SMAP2: variants seen among roughly 807,000 people sequenced by gnomAD.
SMAP2 encodes stromal membrane-associated protein 2.
SMAP2 carries 25 observed loss-of-function variants against 56.4 expected under a neutral mutation model. The ratio of observed to expected loss-of-function variants is 0.44; its 90% CI spans 0.32 to 0.62. The LOEUF (loss-of-function observed/expected upper bound fraction) is 0.62, where lower values mean the gene tolerates loss of function less well. Among genes scored for constraint, SMAP2 ranks in the 20% least tolerant of loss-of-function variants. The pLI is 0.04. For missense variants in SMAP2, 388 were observed against 545.6 expected (o/e 0.71, Z 2.88); for synonymous variants, 157 against 181.7 (o/e 0.86, Z 1.09).
In SMAP2 at chr1:40,403,581, A is replaced by G. The variant is rs535284170; in HGVS notation, c.104-3155A>G. On this transcript the variant is annotated intron_variant, in intron 1 of 9. Transcript: ENST00000372718. ...ATATATTACATATATGAATGAGTTA[A>G]CTGGCCCTTATCAGGAAGATGGATG... The G allele has an allele frequency of 1.0e-3, 866 of 826,308 alleles. 2 individuals are homozygous for G. The highest frequency in any genetic ancestry group is 1.2e-3 in the Non-Finnish European group (819 of 684,942). 51.2% of individuals were successfully genotyped at this position (826,308 alleles called of 1,614,324 possible). A position where few individuals can be genotyped will look rare whatever the true frequency, so the allele number is the denominator to read the frequency against.
rs914880120 is a variant in SMAP2 at position 40,404,424 on chromosome 1, C to G, written c.104-2312C>G. On this transcript the variant is annotated intron_variant, in intron 1 of 9. Coordinates refer to ENST00000372718, the MANE Select transcript of SMAP2 (RefSeq NM_022733.3). ...GGCCTTGTCAGTGGCTTCAGAGTCA[C>G]CCCAAGGCTCCAAGTCTTAGCCTTG... 2.0e-5 allele frequency among the ~76,000 whole-genome samples: 3 copies of G among 152,146 alleles called. No individual in the cohort carries two copies. The East Asian group carries it at 5.8e-4, about 29-fold the overall frequency.
intron 3 of SMAP2, among the ~76,000 whole-genome samples, chr1:40,409,234 A>T (rs1161099408): frequency 6.6e-6 from 1 of 152,178 alleles, no homozygotes; most frequent in Non-Finnish European, 1.5e-5. Flanking sequence ...AAATCCCTTA[A>T]AGGCAGTGCT....
chr1:40,375,145 C>T (rs1644529866), intron 1 of SMAP2: 3 of 930,342 alleles, frequency 3.2e-6, no homozygotes, highest in Non-Finnish European at 3.8e-6. Context: ...GAAATGTTGG[C>T]ACTTGACATT....
At chr1:40,383,145 A>G (rs1644615086) in intron 1 of SMAP2, among the ~76,000 whole-genome samples, 1 of 152,214 alleles carries the variant, frequency 6.6e-6, no homozygotes, top group Non-Finnish European at 1.5e-5. Context: ...TGAGGCACCC[A>G]TTCGATTAGC....
chr1:40,383,174 T>A (rs1417429163), intron 1 of SMAP2, among the ~76,000 whole-genome samples: 1 of 152,174 alleles, frequency 6.6e-6, no homozygotes, highest in African/African-American at 2.4e-5. Context: ...GGAACTACTA[T>A]GCCTGCAAGG....
At position 40,373,985 on chromosome 1, in the gene SMAP2, G is replaced by T; in HGVS notation, c.-136G>T. On this transcript the variant is annotated 5_prime_UTR_variant, in exon 1 of 10. Transcript: ENST00000372718. ...CGACCCGGGAAGGGGCGTCCGGCGG[G>T]GCCGGAGGAGAGGGCTCTCCCCGCT... 3.1e-6 allele frequency: 2 copies of T among 638,796 alleles called. No individual in the cohort carries two copies. Among genetic ancestry groups the T allele is most frequent in the Non-Finnish European group, 2.8e-6 (1 of 363,156 alleles). 39.6% of individuals were successfully genotyped at this position (638,796 alleles called of 1,614,324 possible).
rs1319526473 is a variant in SMAP2, at chr1:40,373,844, G to GCCC, written c.-275_-274insCCC. 6.4e-6 allele frequency: 2 copies of GCCC among 311,188 alleles called. No homozygotes were observed. Among genetic ancestry groups the GCCC allele is most frequent in the Non-Finnish European group, 1.2e-5 (2 of 166,356 alleles). 19.3% of individuals were successfully genotyped at this position (311,188 alleles called of 1,614,324 possible). Reference sequence around the variant, plus strand: ...CCGGCACCCAGGAGGCTCGTGGTCCGCCTTTGCCTGGGCTGAGGGTCTCTG... The same window carrying GCCC: ...CCGGCACCCAGGAGGCTCGTGGTCCGCCCCCTTTGCCTGGGCTGAGGGTCTCTG... On this transcript the variant is annotated 5_prime_UTR_variant, in exon 1 of 10. Coordinates refer to ENST00000372718, the MANE Select transcript of SMAP2 (RefSeq NM_022733.3).
At chr1:40,382,706 C>T (rs1644610446) in intron 1 of SMAP2, among the ~76,000 whole-genome samples, 1 of 152,166 alleles carries the variant, frequency 6.6e-6, no homozygotes, top group South Asian at 2.1e-4. Context: ...AAGCAACAGT[C>T]CTATATTGGC....
intron 2 of SMAP2, among the ~76,000 whole-genome samples, chr1:40,366,311 A>T (rs779800971): frequency 0.025 from 3,654 of 147,100 alleles, 88 homozygotes; most frequent in Non-Finnish European, 0.039. Flanking sequence ...TCCCCAATTT[A>T]GCAAGGCAGG....
intron 1 of SMAP2, among the ~76,000 whole-genome samples, chr1:40,404,055 G>C (rs927758057): frequency 6.6e-6 from 1 of 152,198 alleles, no homozygotes; most frequent in African/African-American, 2.4e-5. Context: ...CCATGATCTT[G>C]CCTCTGCATT....
intron 1 of SMAP2, among the ~76,000 whole-genome samples, chr1:40,382,261 G>A (rs973347836): frequency 2.0e-5 from 3 of 152,106 alleles, no homozygotes; most frequent in Non-Finnish European, 4.4e-5. Flanking sequence ...CTTGGAAATC[G>A]TGTCATGCAA....
At chr1:40,404,693 A>G (rs946422560) in intron 1 of SMAP2, among the ~76,000 whole-genome samples, 3 of 152,260 alleles carry the variant, frequency 2.0e-5, no homozygotes, top group Non-Finnish European at 2.9e-5. Flanking sequence ...GTGCTTTAAG[A>G]AACATGAAAT....
At chr1:40,397,143 G>T (rs1644779987) in intron 1 of SMAP2, among the ~76,000 whole-genome samples, 1 of 152,120 alleles carries the variant, frequency 6.6e-6, no homozygotes, top group Admixed American at 6.5e-5. Flanking sequence ...TTCATAGATT[G>T]TTTGTTTCAT....
chr1:40,414,275 C>T lies in SMAP2; in HGVS notation c.571+35C>T, dbSNP rs1336549542. 5 of 1,596,636 alleles carry T rather than the reference C, an allele frequency of 3.1e-6. No individual in the cohort carries two copies. In the East Asian group the frequency reaches 1.1e-4, roughly 36 times the overall value. ...GGACTTTTCAGCTTCCATGTTCTTA[C>T]AAATTTTGATAAATTCTCAGTGACC... is the stretch of plus-strand genomic sequence containing the variant. On this transcript the variant is annotated intron_variant, in intron 6 of 9. Coordinates refer to ENST00000372718, the MANE Select transcript of SMAP2 (RefSeq NM_022733.3).
At chr1:40,362,779 C>T (rs186717409) in intron 2 of SMAP2, among the ~76,000 whole-genome samples, 2 of 152,176 alleles carry the variant, frequency 1.3e-5, no homozygotes, top group Admixed American at 1.3e-4. Flanking sequence ...CTCGTAAGCA[C>T]CAAATCCAGA....
At position 40,406,739 on chromosome 1, in the gene SMAP2, C is replaced by A; in HGVS notation, c.107C>A (p.Pro36Gln). The A allele has an allele frequency of 6.2e-7, 1 of 1,612,342 alleles. No individual in the cohort carries two copies. Residue 36 changes from proline to glutamine, a missense_variant, in exon 2 of 10, where the codon CCG becomes CAG. By Grantham distance (76) the Pro-to-Gln change is moderately conservative. Coordinates refer to ENST00000372718, the MANE Select transcript of SMAP2 (RefSeq NM_022733.3). ...KFCADCQSKG[P>Q]RWASWNIGVF... The stretch of plus-strand genomic sequence containing the variant: ...GCCCTGTTCCTGACTTTCACAGGGC[C>A]GCGATGGGCCTCTTGGAACATTGGT...
At chr1:40,382,864 T>C (rs1051099687) in intron 1 of SMAP2, among the ~76,000 whole-genome samples, 4 of 152,172 alleles carry the variant, frequency 2.6e-5, no homozygotes, top group African/African-American at 4.8e-5. Flanking sequence ...AAATATTTGT[T>C]TGAATGCATG....
At chr1:40,420,239 A>G (rs749932788) in intron 9 of SMAP2, among the ~76,000 whole-genome samples, 2 of 152,058 alleles carry the variant, frequency 1.3e-5, no homozygotes. Context: ...TCTAGCTTTC[A>G]TAGTGGAGAT....
rs2124374605 is a variant in SMAP2 at position 40,416,992 on chromosome 1, A to G, written c.1060A>G (p.Met354Val). 1 of 1,614,170 alleles carries G rather than the reference A, an allele frequency of 6.2e-7. No individual in the cohort carries two copies. The highest frequency in any genetic ancestry group is 1.1e-5 in the South Asian group (1 of 91,088). Residue 354 changes from methionine to valine, a missense_variant, in exon 9 of 10, where the codon ATG (methionine) becomes GTG (valine). Physicochemically the swap from Met to Val is conservative, Grantham distance 21 (BLOSUM62 1). Transcript: ENST00000372718. ...ATCAATGATGGGTGTGCCGAATGGA[A>G]TGATGACCACCCAGCAGGCTGGCTA... ...QASMMGVPNG[M>V]MTTQQAGYMA...
Sources: allele counts gnomAD v4.1 joint callset (sites outside exome capture counted in the v4.1 genomes callset), GRCh38; gene constraint gnomAD v4.1.1; transcripts MANE v1.5; gene names NCBI Gene and HGNC (gene_info 2026-07-23, HGNC 2026-07-21).